FKTN: variants seen among roughly 807,000 people sequenced by gnomAD.
FKTN encodes the protein ribitol-5-phosphate transferase FKTN.
In FKTN, 47 loss-of-function variants were observed where a neutral mutation model predicts 58.6. That is an observed-to-expected ratio of 0.80 (90% CI 0.63 to 1.02). The LOEUF is 1.02. FKTN is among the 50% of genes least tolerant of loss of function. The pLI, the probability that FKTN is intolerant of heterozygous loss-of-function variation, is 0.00. For synonymous variants in FKTN, 178 were observed against 191.9 expected, an observed-to-expected ratio of 0.93 and a Z score of 0.60; for missense variants, 516 against 537.3, an observed-to-expected ratio of 0.96 and a Z score of 0.39.
rs538472494 is a variant in FKTN, at chr9:105,629,292, C to G, written c.1173-5759C>G. Among the ~76,000 whole-genome samples, 302 of 152,240 alleles carry G rather than the reference C, an allele frequency of 2.0e-3. 3 individuals carry two copies. Among genetic ancestry groups the G allele is most frequent in the African/African-American group, 6.9e-3 (286 of 41,534 alleles). ...TGCTAAGAGAAAAAGGGTCTGAGAT[C>G]ACAGGTTGAAACAGAGGGATATATG... On this transcript the variant is annotated intron_variant, in intron 10 of 10. Coordinates refer to ENST00000357998, the MANE Select transcript of FKTN (RefSeq NM_001079802.2).
rs542930413 is a variant in FKTN at position 105,635,920 on chromosome 9, C to G, written c.*656C>G. Reference sequence around the variant, plus strand: ...GGATAAGTAAATTTCTGTACATGTACTGTTTTCATATGTGAAGTGAGAAGA... The same window carrying G: ...GGATAAGTAAATTTCTGTACATGTAGTGTTTTCATATGTGAAGTGAGAAGA... On this transcript the variant is annotated 3_prime_UTR_variant, in exon 11 of 11. Transcript: ENST00000357998. 1.0e-6 allele frequency: 1 copy of G among 988,086 alleles called. No individual in the cohort carries two copies. Among genetic ancestry groups the G allele is most frequent in the Non-Finnish European group, 1.2e-6 (1 of 831,544 alleles). The allele number at this position is 988,086 out of a possible 1,614,324, so 61.2% of individuals were successfully genotyped here.
chr9:105,578,246 CCA>C (rs1175266139), intron 3 of FKTN, among the ~76,000 whole-genome samples: 1 of 149,324 alleles, frequency 6.7e-6, no homozygotes, highest in Non-Finnish European at 1.5e-5. Context: ...CTGTCTTGTG[CCA>C]GTTTTCAAAG....
In FKTN at chr9:105,639,674, AT is replaced by A; in HGVS notation, c.*4412del. The A allele has an allele frequency of 2.2e-6, 2 of 926,798 alleles. No homozygotes were observed. Among genetic ancestry groups the A allele is most frequent in the Non-Finnish European group, 2.6e-6 (2 of 775,902 alleles). The allele number at this position is 926,798 out of a possible 1,614,324, so 57.4% of individuals were successfully genotyped here. A position where few individuals can be genotyped will look rare whatever the true frequency, so the allele number is the denominator to read the frequency against. Reference sequence around the variant, plus strand: ...AAAATTGTATCAAGTCATTAATACAATTATACATTAATTATATTACATTAAT... The same window carrying A: ...AAAATTGTATCAAGTCATTAATACAATATACATTAATTATATTACATTAAT... On this transcript the variant is annotated 3_prime_UTR_variant, in exon 11 of 11. Coordinates refer to ENST00000357998, the MANE Select transcript of FKTN (RefSeq NM_001079802.2).
At chr9:105,613,391 T>C (rs539882855) in intron 7 of FKTN, among the ~76,000 whole-genome samples, 1 of 152,368 alleles carries the variant, frequency 6.6e-6, no homozygotes, top group Admixed American at 6.5e-5. Context: ...CTGTAGACAG[T>C]GACTTATCTG....
At chr9:105,570,540 G>A (rs1840563829) in intron 1 of FKTN, among the ~76,000 whole-genome samples, 1 of 152,080 alleles carries the variant, frequency 6.6e-6, no homozygotes, top group Non-Finnish European at 1.5e-5. Flanking sequence ...TGCGCATTTT[G>A]GAAAACATCT....
intron 7 of FKTN, among the ~76,000 whole-genome samples, chr9:105,614,626 T>C (rs925967613): frequency 2.0e-5 from 3 of 152,190 alleles, no homozygotes; most frequent in Non-Finnish European, 4.4e-5. Flanking sequence ...GTTTCAGCTA[T>C]GTTTGTAGCT....
intron 3 of FKTN, among the ~76,000 whole-genome samples, chr9:105,596,212 T>C (rs1182619177): frequency 6.6e-6 from 1 of 152,176 alleles, no homozygotes; most frequent in African/African-American, 2.4e-5. Context: ...ACTTTATCAC[T>C]TTGCCAAAGT....
At chr9:105,617,592 T>A (rs1831047045) in intron 8 of FKTN, among the ~76,000 whole-genome samples, 1 of 152,180 alleles carries the variant, frequency 6.6e-6, no homozygotes. Flanking sequence ...CTAAAATATA[T>A]CATGAAAGTT....
chr9:105,613,100 T>G lies in FKTN; in HGVS notation c.781-2178T>G, dbSNP rs1830218036. On this transcript the variant is annotated intron_variant, in intron 7 of 10. Coordinates refer to ENST00000357998, the MANE Select transcript of FKTN (RefSeq NM_001079802.2). ...CCTGATGTTTTTGTAGAGCACAAAT[T>G]TTTCATATTTGCTGTTTAGTCCTTT... Among the ~76,000 whole-genome samples the G allele has an allele frequency of 2.6e-5, 4 of 152,186 alleles. No homozygotes were observed. In the South Asian group the frequency reaches 8.3e-4, roughly 32 times the overall value.
chr9:105,564,692 A>G (rs373126401), intron 1 of FKTN, among the ~76,000 whole-genome samples: 2 of 152,218 alleles, frequency 1.3e-5, no homozygotes, highest in African/African-American at 2.4e-5. Flanking sequence ...TGAAAGTGAC[A>G]GGGAGAATGG....
chr9:105,639,864 T>C lies in FKTN; in HGVS notation c.*4600T>C, dbSNP rs1385823489. ...GTTTACTGTACTTCACTAGATTTGG[T>C]ACCTGCTCTCCCCTGGACTTCTTTT... On this transcript the variant is annotated 3_prime_UTR_variant, in exon 11 of 11. Transcript: ENST00000357998. The C allele has an allele frequency of 3.7e-6, 5 of 1,353,488 alleles. No individual in the cohort carries two copies. The African/African-American group carries it at 7.4e-5, about 20-fold the overall frequency. 83.8% of individuals were successfully genotyped at this position (1,353,488 alleles called of 1,614,324 possible).
intron 10 of FKTN, among the ~76,000 whole-genome samples, chr9:105,629,168 C>T (rs563008627): frequency 6.6e-6 from 1 of 151,934 alleles, no homozygotes; most frequent in African/African-American, 2.4e-5. Context: ...TCAAGATAAG[C>T]CTGGGCAACA....
intron 3 of FKTN, among the ~76,000 whole-genome samples, chr9:105,576,145 CTTT>C (rs5899668): frequency 2.5e-5 from 3 of 119,718 alleles, no homozygotes; most frequent in African/African-American, 8.8e-5. Flanking sequence ...TGAAACTTTT[CTTT>C]TTTTTTTTTT....
intron 10 of FKTN, among the ~76,000 whole-genome samples, chr9:105,632,742 A>G (rs1426177286): frequency 6.6e-6 from 1 of 152,218 alleles, no homozygotes; most frequent in Non-Finnish European, 1.5e-5. Context: ...TAAAAGTGGT[A>G]TGAAATAGAA....
intron 1 of FKTN, among the ~76,000 whole-genome samples, chr9:105,560,603 T>C (rs571995134): frequency 1.2e-4 from 18 of 152,326 alleles, no homozygotes; most frequent in African/African-American, 4.1e-4. Flanking sequence ...ATAACCATTA[T>C]TAATATTTTT....
intron 3 of FKTN, among the ~76,000 whole-genome samples, chr9:105,591,976 C>T (rs1844962662): frequency 6.6e-6 from 1 of 152,238 alleles, no homozygotes; most frequent in African/African-American, 2.4e-5. Flanking sequence ...ACTAGAGCAG[C>T]TGGAATGCAG....
rs1041466710 is a variant in FKTN, at chr9:105,577,810, G to A, written c.105+2673G>A. 5.9e-4 allele frequency among the ~76,000 whole-genome samples: 88 copies of A among 149,920 alleles called. 1 individual carries two copies. The highest frequency in any genetic ancestry group is 1.9e-3 in the African/African-American group (78 of 40,098). ...TTCTTCCTACCCATGAGCATGGAAT[G>A]TTCTTCCATTTGTTTGTATCCTCTT... is the stretch of plus-strand genomic sequence containing the variant. On this transcript the variant is annotated intron_variant, in intron 3 of 10. Transcript: ENST00000357998.
intron 10 of FKTN, among the ~76,000 whole-genome samples, chr9:105,627,582 T>C (rs1239194310): frequency 6.6e-6 from 1 of 152,194 alleles, no homozygotes; most frequent in Non-Finnish European, 1.5e-5. Flanking sequence ...TGAAACTTTA[T>C]TTTGGTCCAA....
chr9:105,571,971 G>A (rs78851548), intron 1 of FKTN, among the ~76,000 whole-genome samples: 3,854 of 152,204 alleles, frequency 0.025, 183 homozygotes, highest in African/African-American at 0.088. Flanking sequence ...GGAATCCTAA[G>A]AAGTCCAAAA....
Sources: gnomAD v4.1 joint callset for allele counts (sites outside exome capture counted in the v4.1 genomes callset) on GRCh38, gnomAD v4.1.1 for gene constraint, MANE v1.5 for transcripts, NCBI Gene and HGNC (gene_info 2026-07-23, HGNC 2026-07-21) for gene names.